Variants in TPO observed in about 807,000 individuals in gnomAD.
TPO encodes thyroid microsomal antigen.
Under a neutral mutation model 96.9 loss-of-function variants are expected in TPO, and 78 were observed. The ratio of observed to expected loss-of-function variants is 0.81; its 90% CI spans 0.67 to 0.97. The LOEUF is 0.97. Among genes scored for constraint, TPO ranks in the 50% least tolerant of loss-of-function variants. The probability of loss-of-function intolerance (pLI) is 0.00; values close to 1 mark genes in which losing one functional copy is unlikely to be tolerated. For missense variants in TPO, 1,252 were observed against 1,274.8 expected (o/e 0.98, Z 0.27); for synonymous variants, 547 against 538.0 (o/e 1.02, Z -0.23).
At chr2:1,499,538 A>G (rs958855446) in intron 13 of TPO, among the ~76,000 whole-genome samples, 5 of 152,078 alleles carry the variant, frequency 3.3e-5, no homozygotes, top group African/African-American at 1.2e-4. Context: ...CCCTGGCTGC[A>G]GCAACATCAC....
intron 8 of TPO, chr2:1,477,906 T>C: frequency 1.0e-6 from 1 of 985,320 alleles, no homozygotes; most frequent in Non-Finnish European, 1.2e-6. Flanking sequence ...CTGGTGATTA[T>C]CCCACCAAGA....
intron 15 of TPO, among the ~76,000 whole-genome samples, chr2:1,523,368 C>A (rs1472366814): frequency 1.6e-5 from 2 of 122,762 alleles, no homozygotes; most frequent in South Asian, 6.2e-4. Flanking sequence ...CCACTGTGTT[C>A]AACCTCCCCA....
chr2:1,436,998 C>A (rs1665640968), intron 5 of TPO, among the ~76,000 whole-genome samples: 1 of 152,212 alleles, frequency 6.6e-6, no homozygotes, highest in African/African-American at 2.4e-5. Context: ...CCCACCTCCT[C>A]TGGTCCACAA....
chr2:1,438,794 TTTGC>T, intron 5 of TPO: 1 of 680,510 alleles, frequency 1.5e-6, no homozygotes, highest in South Asian at 1.6e-5. Context: ...TTTTTTTTTT[TTTGC>T]AAATGCCTGG....
chr2:1,532,017 C>T (rs1359460307), intron 15 of TPO, among the ~76,000 whole-genome samples: 1 of 109,710 alleles, frequency 9.1e-6, no homozygotes. Flanking sequence ...TTGTGTGCAA[C>T]GTCCTCAAAT....
At chr2:1,485,876 G>A (rs1482471553) in intron 9 of TPO, among the ~76,000 whole-genome samples, 1 of 152,136 alleles carries the variant, frequency 6.6e-6, no homozygotes, top group East Asian at 1.9e-4. Context: ...TCTGATAGTG[G>A]TTTCTATTGC....
chr2:1,503,856 CA>C, intron 13 of TPO, 91 bp from the exon 14 acceptor site: 1 of 1,608,536 alleles, frequency 6.2e-7, no homozygotes, highest in East Asian at 2.2e-5. Context: ...CTGACCTCCC[CA>C]GAGAGAAGCA....
chr2:1,494,740 A>G (rs3772076), intron 11 of TPO, among the ~76,000 whole-genome samples: 1 of 152,214 alleles, frequency 6.6e-6, no homozygotes, highest in Non-Finnish European at 1.5e-5. Flanking sequence ...TTTGCTTTTA[A>G]ATACATCCCT....
At chr2:1,539,790 C>T (rs1680507862) in intron 15 of TPO, among the ~76,000 whole-genome samples, 1 of 148,494 alleles carries the variant, frequency 6.7e-6, no homozygotes, top group Admixed American at 6.9e-5. Flanking sequence ...ATGCTCAGGA[C>T]CGGTGATGAT....
chr2:1,383,702 G>C (rs1278346792), intron 1 of TPO, among the ~76,000 whole-genome samples: 4 of 152,074 alleles, frequency 2.6e-5, no homozygotes, highest in Non-Finnish European at 5.9e-5. Context: ...AGTTTCTTTT[G>C]CTGTGCAGAA....
intron 2 of TPO, among the ~76,000 whole-genome samples, chr2:1,418,604 CAG>C (rs1337958174): frequency 2.6e-5 from 4 of 152,218 alleles, no homozygotes; most frequent in African/African-American, 9.7e-5. Context: ...ACGCCCTGAA[CAG>C]AATGTTCTTC....
At chr2:1,542,171 G>A (rs1680840108) in intron 16 of TPO, 2 of 596,224 alleles carry the variant, frequency 3.4e-6, no homozygotes, top group Non-Finnish European at 5.9e-6. Context: ...CCTGCCTGCG[G>A]ATTGCAGATC....
intron 9 of TPO, among the ~76,000 whole-genome samples, chr2:1,485,156 T>C (rs547576440): frequency 8.4e-4 from 127 of 152,044 alleles, no homozygotes; most frequent in African/African-American, 2.6e-3. Flanking sequence ...CATGCGGTGT[T>C]TGGTTTTCTG....
At chr2:1,524,177 C>A (rs2125123288) in intron 15 of TPO, among the ~76,000 whole-genome samples, 1 of 147,406 alleles carries the variant, frequency 6.8e-6, no homozygotes, top group East Asian at 2.1e-4. Flanking sequence ...TGTGCAACCT[C>A]CTCAAATCCC....
At chr2:1,487,794 C>A (rs370800369) in intron 9 of TPO, 27 bp from the exon 10 acceptor site, 10 of 1,614,006 alleles carry the variant, frequency 6.2e-6, no homozygotes, top group Non-Finnish European at 7.6e-6. Flanking sequence ...CAAGAGCTGT[C>A]CTTGCCTTGT....
intron 15 of TPO, among the ~76,000 whole-genome samples, chr2:1,523,185 TCCC>T (rs369142855): frequency 3.6e-3 from 156 of 43,826 alleles, no homozygotes; most frequent in Non-Finnish European, 4.8e-3. Context: ...CCTCCTCAAA[TCCC>T]CCCAACTGTT....
At chr2:1,418,929 C>T (rs534144367) in intron 2 of TPO, among the ~76,000 whole-genome samples, 94 of 152,262 alleles carry the variant, frequency 6.2e-4, no homozygotes, top group African/African-American at 2.2e-3. Context: ...GAATCAAGCG[C>T]TTAGAATTAG....
At chr2:1,525,926 G>A (rs1676359465) in intron 15 of TPO, among the ~76,000 whole-genome samples, 1 of 122,468 alleles carries the variant, frequency 8.2e-6, no homozygotes, top group Non-Finnish European at 1.6e-5. Flanking sequence ...CCCCCACTGT[G>A]CGCAACCTCC....
intron 2 of TPO, among the ~76,000 whole-genome samples, chr2:1,415,882 T>C (rs1186001687): frequency 1.3e-5 from 2 of 152,092 alleles, no homozygotes; most frequent in Admixed American, 6.5e-5. Flanking sequence ...TTCACAACCA[T>C]ATTAGGAGTG....
Sources: allele counts gnomAD v4.1 joint callset (sites outside exome capture counted in the v4.1 genomes callset), GRCh38; gene constraint gnomAD v4.1.1; transcripts MANE v1.5; gene names NCBI Gene and HGNC (gene_info 2026-07-23, HGNC 2026-07-21).